The following PRSS55 variants were observed in gnomAD, a reference collection of about 807,000 sequenced individuals.
PRSS55 encodes serine protease 55.
PRSS55 carries 41 observed loss-of-function variants against 23.6 expected under a neutral mutation model. The observed-to-expected ratio is 1.74, with a 90% CI of 1.35 to 2.26. The LOEUF is 2.26. Ranked by LOEUF, PRSS55 falls within the 30% of genes most tolerant of loss-of-function variation. PRSS55 has a pLI of 0.00. For missense variants in PRSS55, 669 were observed against 439.1 expected, an observed-to-expected ratio of 1.52 and a Z score of -4.68; for synonymous variants, 262 against 175.5, an observed-to-expected ratio of 1.49 and a Z score of -3.90.
chr8:10,533,528 G>A (rs1407653674), intron 4 of PRSS55, among the ~76,000 whole-genome samples: 1 of 152,104 alleles, frequency 6.6e-6, no homozygotes, highest in Non-Finnish European at 1.5e-5. Context: ...TTGCATGTGG[G>A]TTTCACTGAA....
downstream of PRSS55, among the ~76,000 whole-genome samples, chr8:10,543,681 T>C (rs532824973): frequency 6.6e-6 from 1 of 150,512 alleles, no homozygotes; most frequent in Admixed American, 6.7e-5. Flanking sequence ...CAGCTAGACA[T>C]TTCCATCTCA....
intron 4 of PRSS55, among the ~76,000 whole-genome samples, chr8:10,545,844 TTC>T (rs1812804272): frequency 6.6e-6 from 1 of 152,262 alleles, no homozygotes; most frequent in African/African-American, 2.4e-5. Context: ...GCATGTTTAA[TTC>T]TGAGTTCTGC....
chr8:10,544,166 A>T (rs189084956), intron 4 of PRSS55, among the ~76,000 whole-genome samples: 2 of 152,130 alleles, frequency 1.3e-5, no homozygotes, highest in East Asian at 1.9e-4. Flanking sequence ...TCTTCCTTCA[A>T]TTGTCATTTT....
At chr8:10,539,772 C>T (rs1350344506), downstream of PRSS55, among the ~76,000 whole-genome samples, 2 of 152,214 alleles carry the variant, frequency 1.3e-5, no homozygotes, top group Non-Finnish European at 2.9e-5. Flanking sequence ...GAGGCCTCTC[C>T]AGCTACATGG....
At position 10,531,323 on chromosome 8, in the gene PRSS55, A is replaced by T. The variant is rs944702896; in HGVS notation, c.376A>T (p.Thr126Ser). 2 of 1,613,896 alleles carry T rather than the reference A, an allele frequency of 1.2e-6. No individual in the cohort carries two copies. Among genetic ancestry groups the T allele is most frequent in the African/African-American group, 2.7e-5 (2 of 74,888 alleles). The change falls in exon 3 of 5, where the codon ACC (threonine) becomes TCC (serine). Residue 126 changes from threonine (T) to serine (S), a missense_variant. By Grantham distance (58) the Thr-to-Ser change is moderately conservative. Transcript: ENST00000328655. ...FPEELSVVLG[T>S]NDLTSPSMEI... is the part of the protein sequence containing the mutation. ...AGAAGAACTGAGTGTCGTGCTGGGG[A>T]CCAACGACTTAACTAGCCCATCCAT...
At chr8:10,540,751 A>C (rs138068875), downstream of PRSS55, 1 of 152,244 alleles carries the variant, frequency 6.6e-6, no homozygotes, top group Admixed American at 6.5e-5. Flanking sequence ...CTTCCTAGTT[A>C]TCCTTTTTCC....
At chr8:10,541,142 A>G (rs1430667034), downstream of PRSS55, 2 of 152,340 alleles carry the variant, frequency 1.3e-5, no homozygotes, top group Non-Finnish European at 2.9e-5. Flanking sequence ...TGGAGTTATC[A>G]GGAACAAGAC....
At chr8:10,542,419 G>GGGAAGGA (rs60800512), downstream of PRSS55, among the ~76,000 whole-genome samples, 38 of 133,526 alleles carry the variant, frequency 2.8e-4, 1 homozygote, top group Non-Finnish European at 4.7e-4. Context: ...CCATGCGGGG[G>GGGAAGGA]AAAAAAAAAA....
intron 1 of PRSS55, among the ~76,000 whole-genome samples, chr8:10,526,541 C>T (rs1164441534): frequency 6.6e-6 from 1 of 152,222 alleles, no homozygotes; most frequent in African/African-American, 2.4e-5. Flanking sequence ...AGAATATGCT[C>T]CTCTAATGCG....
At chr8:10,526,448 C>G (rs375091431) in intron 1 of PRSS55, among the ~76,000 whole-genome samples, 12 of 152,374 alleles carry the variant, frequency 7.9e-5, no homozygotes, top group African/African-American at 2.9e-4. Flanking sequence ...ACAGCAGGTT[C>G]ACCTGGCCTC....
chr8:10,553,101 G>A (rs1447393846), intron 4 of PRSS55, among the ~76,000 whole-genome samples: 1 of 152,108 alleles, frequency 6.6e-6, no homozygotes, highest in African/African-American at 2.4e-5. Flanking sequence ...GAAGTGATCG[G>A]ATCATGAGGG....
At chr8:10,545,092 T>G in intron 4 of PRSS55, 1 of 786,170 alleles carries the variant, frequency 1.3e-6, no homozygotes, top group Non-Finnish European at 1.5e-6. Context: ...GTTTTTGGTT[T>G]TGCTTCGAAA....
At chr8:10,554,089 G>A (rs1342875639) in exon 5 of PRSS55, 4 of 1,148,284 alleles carry the variant, frequency 3.5e-6, no homozygotes, top group Admixed American at 2.5e-5. Flanking sequence ...ATACCCTTGG[G>A]CATAGCCTTG....
At chr8:10,547,694 T>C (rs1812852917) in intron 4 of PRSS55, 2 of 150,806 alleles carry the variant, frequency 1.3e-5, no homozygotes, top group African/African-American at 4.9e-5. Context: ...CTCCTTTTCT[T>C]TCCTTCCCTT....
chr8:10,529,660 T>C lies in PRSS55; in HGVS notation c.308T>C (p.Ile103Thr). The change falls in exon 2 of 5, where the codon ATT (isoleucine) becomes ACT (threonine). Residue 103 changes from isoleucine (I) to threonine (T), a missense_variant. By Grantham distance (89) the Ile-to-Thr change is moderately conservative (BLOSUM62 -1). Coordinates refer to ENST00000328655, the MANE Select transcript of PRSS55 (RefSeq NM_198464.4). ...CGGSILNKWWILTAAHCLYSE... is the reference protein window; with the variant it reads ...CGGSILNKWWTLTAAHCLYSE... ...GGCTCCATCCTCAACAAGTGGTGGA[T>C]TCTCACTGCGGCTCACTGCTTATAT... 3 of 1,614,180 alleles carry C rather than the reference T, an allele frequency of 1.9e-6. No homozygotes were observed. The highest frequency in any genetic ancestry group is 2.2e-5 in the South Asian group (2 of 91,080).
intron 4 of PRSS55, among the ~76,000 whole-genome samples, chr8:10,550,494 T>G (rs777453477): frequency 6.6e-6 from 1 of 152,174 alleles, no homozygotes; most frequent in Non-Finnish European, 1.5e-5. Flanking sequence ...TCTGGGACCC[T>G]TGATGGGACT....
At chr8:10,547,418 C>A (rs1448517035) in intron 4 of PRSS55, 2 of 152,478 alleles carry the variant, frequency 1.3e-5, no homozygotes, top group East Asian at 1.9e-4. Context: ...CTTATCCCCA[C>A]CCCGCACTTA....
chr8:10,528,165 C>T (rs899456254), intron 1 of PRSS55, among the ~76,000 whole-genome samples: 9 of 149,998 alleles, frequency 6.0e-5, no homozygotes, highest in African/African-American at 4.9e-5. Flanking sequence ...TGCCACTGCA[C>T]TCCAGCCTGG....
chr8:10,533,320 T>C (rs1812338960), intron 4 of PRSS55, among the ~76,000 whole-genome samples: 1 of 152,172 alleles, frequency 6.6e-6, no homozygotes. Flanking sequence ...GCTTTTCTCA[T>C]TTCTGGGAAT....
Sources: allele counts gnomAD v4.1 joint callset (sites outside exome capture counted in the v4.1 genomes callset), GRCh38; gene constraint gnomAD v4.1.1; transcripts MANE v1.5; gene names NCBI Gene and HGNC (gene_info 2026-07-23, HGNC 2026-07-21).